The following ZC3H12C variants were observed in gnomAD, a reference collection of about 807,000 sequenced individuals.
ZC3H12C encodes zinc finger CCCH-type containing 12C, also known as probable ribonuclease ZC3H12C.
In ZC3H12C, 20 loss-of-function variants were observed where a neutral mutation model predicts 76.3. The ratio of observed to expected loss-of-function variants is 0.26; its 90% CI spans 0.18 to 0.38. ZC3H12C has a LOEUF of 0.38. Ranked by LOEUF, ZC3H12C falls within the 10% of genes least tolerant of loss-of-function variation. The pLI is 1.00. For synonymous variants in ZC3H12C, 352 were observed against 399.6 expected (o/e 0.88, Z 1.42); for missense variants, 874 against 1,086.5 (o/e 0.80, Z 2.75).
chr11:110,146,713 C>T (rs577630884), intron 2 of ZC3H12C, among the ~76,000 whole-genome samples: 1 of 152,332 alleles, frequency 6.6e-6, no homozygotes, highest in African/African-American at 2.4e-5. Flanking sequence ...GAAGGTAACA[C>T]TGCAGTCTTA....
chr11:110,126,418 C>A (rs923424126), intron 1 of ZC3H12C, among the ~76,000 whole-genome samples: 1 of 151,688 alleles, frequency 6.6e-6, no homozygotes, highest in Non-Finnish European at 1.5e-5. Context: ...CAGGATCTCC[C>A]TATGTTGCCT....
Position 110,164,793 on chromosome 11 carries a change from G to A in ZC3H12C, c.1708G>A (p.Gly570Arg). 23 of 1,613,996 alleles carry A rather than the reference G, an allele frequency of 1.4e-5. No homozygotes were observed. The highest frequency in any genetic ancestry group is 1.8e-5 in the Non-Finnish European group (21 of 1,179,880). ...AATGATGATGGCAACCAAAAATCAT[G>A]GAACGCCAATGCCTTATGAACAGTA... is the stretch of plus-strand genomic sequence containing the variant. ...PSMMMATKNH[G>R]TPMPYEQYPK... The change falls in exon 6 of 6, where the codon GGA (glycine) becomes AGA (arginine). Residue 570 changes from glycine (G) to arginine (R), a missense_variant. Physicochemically the swap from Gly to Arg is moderately radical, Grantham distance 125 (BLOSUM62 -2). Coordinates refer to ENST00000278590, the MANE Select transcript of ZC3H12C (RefSeq NM_033390.2). This position sits in a 1 kb window ranked among gnomAD's most constrained non-coding sequence, Gnocchi z 5.7.
At chr11:110,118,039 T>A (rs576157726) in intron 1 of ZC3H12C, among the ~76,000 whole-genome samples, 1 of 86,394 alleles carries the variant, frequency 1.2e-5, no homozygotes, top group African/African-American at 4.2e-5. Flanking sequence ...ATTATATATA[T>A]ATACACATAT....
intron 1 of ZC3H12C, among the ~76,000 whole-genome samples, chr11:110,121,167 G>A (rs189686183): frequency 3.9e-5 from 6 of 152,286 alleles, no homozygotes; most frequent in Admixed American, 1.3e-4. Context: ...GAGAACTGCC[G>A]CTTTAAGTAC....
Position 110,136,998 on chromosome 11 carries a change from G to C in ZC3H12C, c.357G>C (p.Gln119His), listed in dbSNP as rs1861975659. 1 of 1,613,820 alleles carries C rather than the reference G, an allele frequency of 6.2e-7. No homozygotes were observed. The highest frequency in any genetic ancestry group is 1.3e-5 in the African/African-American group (1 of 75,074). ...GCTTGATAACTAAGACTCACAGACAGCTCTGCAGGTCTCCCTGTTTAGAGC... is the reference window on the plus strand; with the variant it reads ...GCTTGATAACTAAGACTCACAGACACCTCTGCAGGTCTCCCTGTTTAGAGC... ...EPGLITKTHR[Q>H]LCRSPCLEPH... Residue 119 changes from glutamine (Q) to histidine (H), a missense_variant, in exon 2 of 6, where the codon CAG becomes CAC. This residue lies in a region of ZC3H12C where 210 missense variants were observed against 227.1 expected (regional missense o/e 0.92). Coordinates refer to ENST00000278590, the MANE Select transcript of ZC3H12C (RefSeq NM_033390.2).
At chr11:110,112,522 A>G (rs1376250900) in intron 1 of ZC3H12C, among the ~76,000 whole-genome samples, 1 of 152,178 alleles carries the variant, frequency 6.6e-6, no homozygotes, top group African/African-American at 2.4e-5. Context: ...GGTGGAAGAG[A>G]TAATGGAAGG....
intron 4 of ZC3H12C, among the ~76,000 whole-genome samples, chr11:110,162,536 T>C (rs574388276): frequency 5.0e-4 from 76 of 152,358 alleles, no homozygotes; most frequent in Non-Finnish European, 1.0e-3. Flanking sequence ...ATAACTTCTT[T>C]TCATTATTCA....
At chr11:110,109,115 G>A (rs1479418889) in intron 1 of ZC3H12C, among the ~76,000 whole-genome samples, 2 of 152,164 alleles carry the variant, frequency 1.3e-5, no homozygotes, top group Admixed American at 1.3e-4. Flanking sequence ...TGCCATCTTT[G>A]TTGGGCTTTG....
At chr11:110,150,824 A>G (rs1264126628) in intron 2 of ZC3H12C, among the ~76,000 whole-genome samples, 2 of 152,068 alleles carry the variant, frequency 1.3e-5, no homozygotes, top group Non-Finnish European at 2.9e-5. Context: ...ATGAGTTTAG[A>G]ATGACTATAG....
chr11:110,126,167 A>G (rs1861740840), intron 1 of ZC3H12C, among the ~76,000 whole-genome samples: 1 of 151,304 alleles, frequency 6.6e-6, no homozygotes, highest in South Asian at 2.1e-4. Flanking sequence ...ATGAGTTCTG[A>G]TACAATTTCT....
At position 110,169,607 on chromosome 11, in the gene ZC3H12C, A is replaced by G. The variant is rs558364233; in HGVS notation, c.*3870A>G. 6 of 152,300 alleles carry G rather than the reference A, an allele frequency of 3.9e-5. No homozygotes were observed. Among genetic ancestry groups the G allele is most frequent in the Non-Finnish European group, 7.4e-5 (5 of 68,010 alleles). 9.4% of individuals were successfully genotyped at this position (152,300 alleles called of 1,614,324 possible). ...AATCAAACAGATTCTGGCTGGACAT[A>G]TGCTTATGTTCCAAATATATTAAAG... On this transcript the variant is annotated 3_prime_UTR_variant, in exon 6 of 6. Coordinates refer to ENST00000278590, the MANE Select transcript of ZC3H12C (RefSeq NM_033390.2).
Position 110,146,281 on chromosome 11 carries a change from C to CCCGG in ZC3H12C, c.774-6635_774-6632dup, listed in dbSNP as rs1487958105. 2.0e-5 allele frequency among the ~76,000 whole-genome samples: 3 copies of CCCGG among 152,154 alleles called. No individual in the cohort carries two copies. The East Asian group carries it at 5.8e-4, about 29-fold the overall frequency. The stretch of plus-strand genomic sequence containing the variant: ...AGAATTACAGGCATGAGCCGTCGCG[C>CCCGG]CCGGCCCCGTAACTTGTTTTAACGG... On this transcript the variant is annotated intron_variant, in intron 2 of 5. Coordinates refer to ENST00000278590, the MANE Select transcript of ZC3H12C (RefSeq NM_033390.2).
In ZC3H12C at chr11:110,134,587, CTTCAA is replaced by C. The variant is rs570250489; in HGVS notation, c.22-2072_22-2068del. 2.6e-5 allele frequency among the ~76,000 whole-genome samples: 4 copies of C among 152,150 alleles called. No homozygotes were observed. In the South Asian group the frequency reaches 8.3e-4, roughly 32 times the overall value. Reference sequence around the variant, plus strand: ...AAAAATCTGTTTTTAAAATTCCTTCCTTCAATTCTAAGTAATTGGGCTCATGCATA... The same window carrying C: ...AAAAATCTGTTTTTAAAATTCCTTCCTTCTAAGTAATTGGGCTCATGCATA... On this transcript the variant is annotated intron_variant, in intron 1 of 5. Coordinates refer to ENST00000278590, the MANE Select transcript of ZC3H12C (RefSeq NM_033390.2).
At chr11:110,105,247 C>T (rs1407549020) in intron 1 of ZC3H12C, among the ~76,000 whole-genome samples, 1 of 152,090 alleles carries the variant, frequency 6.6e-6, no homozygotes, top group Non-Finnish European at 1.5e-5. Context: ...GCATCATTTT[C>T]TTTGATGGCC....
At chr11:110,158,016 T>TA (rs1203083829) in intron 3 of ZC3H12C, among the ~76,000 whole-genome samples, 12 of 152,086 alleles carry the variant, frequency 7.9e-5, no homozygotes, top group Non-Finnish European at 1.2e-4. Flanking sequence ...AGCTTTTTTT[T>TA]AAAAAAAATC....
intron 1 of ZC3H12C, among the ~76,000 whole-genome samples, chr11:110,114,442 T>G (rs1861488688): frequency 6.6e-6 from 1 of 152,222 alleles, no homozygotes. Context: ...CCTTAATACA[T>G]TTTATAGTTC....
At chr11:110,154,244 G>A (rs1862331585) in intron 3 of ZC3H12C, among the ~76,000 whole-genome samples, 1 of 152,014 alleles carries the variant, frequency 6.6e-6, no homozygotes, top group African/African-American at 2.4e-5. Context: ...GTGGTGGCAT[G>A]TGCTGTGGTC....
intron 1 of ZC3H12C, among the ~76,000 whole-genome samples, chr11:110,134,554 C>A (rs1299368706): frequency 6.6e-6 from 1 of 152,106 alleles, no homozygotes; most frequent in Non-Finnish European, 1.5e-5. Flanking sequence ...TAATAAATCA[C>A]AGGGTGTAAA....
intron 1 of ZC3H12C, among the ~76,000 whole-genome samples, chr11:110,097,441 A>G (rs764228226): frequency 6.6e-6 from 1 of 152,190 alleles, no homozygotes; most frequent in Non-Finnish European, 1.5e-5. Flanking sequence ...TGCCTGGGTC[A>G]CACCTTATTC....
Sources: allele counts gnomAD v4.1 joint callset (sites outside exome capture counted in the v4.1 genomes callset), GRCh38; gene constraint gnomAD v4.1.1; regional missense constraint gnomAD v4.1.1; non-coding constraint Gnocchi (gnomAD v3.1); transcripts MANE v1.5; gene names NCBI Gene and HGNC (gene_info 2026-07-23, HGNC 2026-07-21).